Variants in MACO1 observed in about 807,000 individuals in gnomAD.
MACO1 encodes macoilin.
In MACO1, 14 loss-of-function variants were observed where a neutral mutation model predicts 78.7. The ratio of observed to expected loss-of-function variants is 0.18; its 90% confidence interval spans 0.12 to 0.28. The LOEUF is 0.28. Among genes scored for constraint, MACO1 ranks in the 10% least tolerant of loss-of-function variants. The pLI is 1.00. For missense variants in MACO1, 501 were observed against 799.0 expected (o/e 0.63, Z 4.50); for synonymous variants, 288 against 291.6 (o/e 0.99, Z 0.12).
At chr1:25,453,003 A>G (rs1208526472) in intron 3 of MACO1, among the ~76,000 whole-genome samples, 1 of 142,212 alleles carries the variant, frequency 7.0e-6, no homozygotes, top group African/African-American at 2.7e-5. Flanking sequence ...CCCTACAGTG[A>G]ATTTTTTTTT....
intron 6 of MACO1, among the ~76,000 whole-genome samples, chr1:25,480,037 A>G (rs1461241107): frequency 1.3e-5 from 2 of 152,216 alleles, no homozygotes; most frequent in Non-Finnish European, 2.9e-5. Context: ...ATACTTTTCC[A>G]TTGTTTATTC....
At chr1:25,469,954 T>C (rs2043253352) in intron 6 of MACO1, among the ~76,000 whole-genome samples, 1 of 152,098 alleles carries the variant, frequency 6.6e-6, no homozygotes. Flanking sequence ...GACTCCTTGG[T>C]GTATTTGGTC....
chr1:25,484,026 C>G, intron 6 of MACO1, 90 bp from the exon 7 acceptor site: 2 of 1,340,206 alleles, frequency 1.5e-6, no homozygotes, highest in Non-Finnish European at 2.0e-6. Flanking sequence ...TTCTGCCATT[C>G]ACCCAGCAGT....
chr1:25,437,136 C>CT lies in MACO1; in HGVS notation c.80+5974dup, dbSNP rs35287453. Reference sequence around the variant, plus strand: ...TGTTACGTTGTTCATCTTCAAAACACTTTTTTTTTTTTTTTTGAGACAGGG... The same window carrying CT: ...TGTTACGTTGTTCATCTTCAAAACACTTTTTTTTTTTTTTTTTGAGACAGGG... On this transcript the variant is annotated intron_variant, in intron 1 of 10. Coordinates refer to ENST00000374343, the MANE Select transcript of MACO1 (RefSeq NM_018202.6). 9.0e-4 allele frequency among the ~76,000 whole-genome samples: 123 copies of CT among 136,610 alleles called. 1 individual carries two copies. The highest frequency in any genetic ancestry group is 4.7e-3 in the East Asian group (23 of 4,870). 89.6% of individuals were successfully genotyped at this position (136,610 alleles called of 152,430 possible).
Position 25,482,446 on chromosome 1 carries a change from C to G in MACO1, c.1155-1670C>G, listed in dbSNP as rs955958378. ...TGTTCTATCCTTTCCTACTCTCTCC[C>G]CAGTACAAGCTTTTCTCAGAAGCCA... is the stretch of plus-strand genomic sequence containing the variant. On this transcript the variant is annotated intron_variant, in intron 6 of 10. Transcript: ENST00000374343. Among the ~76,000 whole-genome samples the G allele has an allele frequency of 1.1e-4, 17 of 152,184 alleles. 1 individual carries two copies. Among genetic ancestry groups the G allele is most frequent in the Non-Finnish European group, 2.9e-5 (2 of 68,040 alleles).
chr1:25,459,163 G>A lies in MACO1; in HGVS notation c.1154+271G>A, dbSNP rs572860103. Among the ~76,000 whole-genome samples, 184 of 152,318 alleles carry A rather than the reference G, an allele frequency of 1.2e-3. 1 individual carries two copies. The highest frequency in any genetic ancestry group is 2.0e-3 in the Non-Finnish European group (138 of 68,034). On this transcript the variant is annotated intron_variant, in intron 6 of 10. Coordinates refer to ENST00000374343, the MANE Select transcript of MACO1 (RefSeq NM_018202.6). ...CTTGATTCTTCTAGTCGTGTTGTAA[G>A]GCACTTCTTTGGTCCTTGTCCTTTT...
At chr1:25,469,552 A>G (rs933422271) in intron 6 of MACO1, among the ~76,000 whole-genome samples, 1 of 151,932 alleles carries the variant, frequency 6.6e-6, no homozygotes, top group African/African-American at 2.4e-5. Context: ...TGGCTTGACT[A>G]GGAATTCACA....
intron 3 of MACO1, among the ~76,000 whole-genome samples, chr1:25,451,544 T>C (rs1370741956): frequency 1.3e-5 from 2 of 151,494 alleles, no homozygotes; most frequent in Admixed American, 1.3e-4. Context: ...TATTTGAAAA[T>C]GCATTTTGAA....
intron 1 of MACO1, among the ~76,000 whole-genome samples, chr1:25,437,195 C>T (rs559856444): frequency 6.7e-6 from 1 of 149,306 alleles, no homozygotes; most frequent in East Asian, 2.0e-4. Flanking sequence ...AGTCCAGCAG[C>T]GAGATCACAG....
At chr1:25,471,066 C>T (rs1304517449) in intron 6 of MACO1, among the ~76,000 whole-genome samples, 2 of 150,808 alleles carry the variant, frequency 1.3e-5, no homozygotes, top group Admixed American at 6.6e-5. Flanking sequence ...GGGCCGGGTA[C>T]GGTGGCTCAC....
rs540854819 is a variant in MACO1, at chr1:25,484,728, A to T, written c.1313+454A>T. ...CCAGGTCTTCTGTGTGAATTCATTT[A>T]GGCTTTTGATTAGTTCATTCTGGAA... On this transcript the variant is annotated intron_variant, in intron 7 of 10. Transcript: ENST00000374343. Among the ~76,000 whole-genome samples, 54 of 152,282 alleles carry T rather than the reference A, an allele frequency of 3.5e-4. 1 individual carries two copies. The highest frequency in any genetic ancestry group is 5.7e-4 in the Non-Finnish European group (39 of 68,014).
At chr1:25,470,288 C>T (rs2043256024) in intron 6 of MACO1, among the ~76,000 whole-genome samples, 1 of 152,132 alleles carries the variant, frequency 6.6e-6, no homozygotes, top group African/African-American at 2.4e-5. Context: ...AGGGAACTGG[C>T]CTGGGTCAGG....
In MACO1 at chr1:25,430,923, G is replaced by A. The variant is rs1415474765; in HGVS notation, c.-176G>A. On this transcript the variant is annotated 5_prime_UTR_variant, in exon 1 of 11. Coordinates refer to ENST00000374343, the MANE Select transcript of MACO1 (RefSeq NM_018202.6). The stretch of plus-strand genomic sequence containing the variant: ...TCATTTCTTTGTTTCCGAAGGCGGA[G>A]GAGGCTCCGAGCCCCCCCTCCCCGT... The A allele has an allele frequency of 6.3e-6, 3 of 477,210 alleles. No individual in the cohort carries two copies. The highest frequency in any genetic ancestry group is 5.6e-4 in the Middle Eastern group (1 of 1,780). 29.6% of individuals were successfully genotyped at this position (477,210 alleles called of 1,614,324 possible).
chr1:25,487,077 C>G (rs1023509199), intron 8 of MACO1, among the ~76,000 whole-genome samples: 3 of 152,182 alleles, frequency 2.0e-5, no homozygotes, highest in Admixed American at 2.0e-4. Context: ...ATTTCAGTGT[C>G]TACCCCAAAT....
Position 25,430,901 on chromosome 1 carries a change from T to G in MACO1, c.-198T>G. The G allele has an allele frequency of 6.6e-6, 3 of 454,992 alleles. No homozygotes were observed. Among genetic ancestry groups the G allele is most frequent in the Non-Finnish European group, 7.8e-6 (2 of 255,162 alleles). 28.2% of individuals were successfully genotyped at this position (454,992 alleles called of 1,614,324 possible). A position where few individuals can be genotyped will look rare whatever the true frequency, so the allele number is the denominator to read the frequency against. On this transcript the variant is annotated 5_prime_UTR_variant, in exon 1 of 11. Coordinates refer to ENST00000374343, the MANE Select transcript of MACO1 (RefSeq NM_018202.6). ...GGGCGGGCGGGCCCCGGAATTGTCA[T>G]TTCTTTGTTTCCGAAGGCGGAGGAG...
intron 3 of MACO1, 112 bp downstream of exon 3, chr1:25,449,046 GTTTTC>G (rs1281147385): frequency 4.2e-5 from 44 of 1,041,302 alleles, no homozygotes; most frequent in Admixed American, 3.3e-4. Flanking sequence ...ACATTTTAAA[GTTTTC>G]TTTTCTTAAT....
At chr1:25,486,301 G>GA (rs1484426275) in intron 8 of MACO1, among the ~76,000 whole-genome samples, 1 of 152,068 alleles carries the variant, frequency 6.6e-6, no homozygotes, top group East Asian at 1.9e-4. Flanking sequence ...AAAAAAAAGT[G>GA]AAACATAAGT....
In MACO1 at chr1:25,430,952, AC is replaced by A. The variant is rs1247691361; in HGVS notation, c.-142del. The A allele has an allele frequency of 8.7e-6, 3 of 343,686 alleles. No individual in the cohort carries two copies. The highest frequency in any genetic ancestry group is 1.6e-5 in the Non-Finnish European group (3 of 189,550). The allele number at this position is 343,686 out of a possible 1,614,324, so 21.3% of individuals were successfully genotyped here. A position where few individuals can be genotyped will look rare whatever the true frequency, so the allele number is the denominator to read the frequency against. Reference sequence around the variant, plus strand: ...GCTCCGAGCCCCCCCTCCCCGTGCTACCCCCTCCCCCCGGGTGCTGGCTCCA... The same window carrying A: ...GCTCCGAGCCCCCCCTCCCCGTGCTACCCCTCCCCCCGGGTGCTGGCTCCA... On this transcript the variant is annotated 5_prime_UTR_variant, in exon 1 of 11. Coordinates refer to ENST00000374343, the MANE Select transcript of MACO1 (RefSeq NM_018202.6).
At chr1:25,454,488 A>ATAT (rs1441909435) in intron 4 of MACO1, 106 bp downstream of exon 4, 108 of 72,364 alleles carry the variant, frequency 1.5e-3, no homozygotes, top group African/African-American at 3.0e-3. Flanking sequence ...ATATATATAT[A>ATAT]TTTTTTTTTT....
Sources: gnomAD v4.1 joint callset for allele counts (sites outside exome capture counted in the v4.1 genomes callset) on GRCh38, gnomAD v4.1.1 for gene constraint, MANE v1.5 for transcripts, NCBI Gene and HGNC (gene_info 2026-07-23, HGNC 2026-07-21) for gene names.